The following ATP6V1H variants were observed in gnomAD, a reference collection of about 807,000 sequenced individuals.
The protein encoded by ATP6V1H is ATPase H+ transporting V1 subunit H.
Under a neutral mutation model 71.7 loss-of-function variants are expected in ATP6V1H, and 39 were observed. The ratio of observed to expected loss-of-function variants is 0.54; its 90% CI spans 0.42 to 0.71. ATP6V1H has a LOEUF of 0.71. ATP6V1H is among the 30% of genes least tolerant of loss of function. The pLI, the probability that ATP6V1H is intolerant of heterozygous loss-of-function variation, is 0.00. For synonymous variants in ATP6V1H, 192 were observed against 199.3 expected (o/e 0.96, Z 0.31); for missense variants, 509 against 594.9 (o/e 0.86, Z 1.50).
At chr8:53,762,407 A>G (rs965798021) in intron 11 of ATP6V1H, among the ~76,000 whole-genome samples, 1 of 152,212 alleles carries the variant, frequency 6.6e-6, no homozygotes, top group Non-Finnish European at 1.5e-5. Context: ...AATAATATCA[A>G]TTCCCCCTAG....
Position 53,715,979 on chromosome 8 carries a change from A to G in ATP6V1H, c.1437T>C (p.Ala479=). ...KQLQSEQPQT[A]AARS ...AGAGGCAGGCTTAGCTTCGGGCGGC[A>G]GCGGTCTGGGGCTGCTCGGACTGGA... The change falls in exon 14 of 14, where the codon GCT becomes GCC. Residue 479 remains alanine (A), a synonymous_variant. Coordinates refer to ENST00000359530, the MANE Select transcript of ATP6V1H (RefSeq NM_015941.4). The G allele has an allele frequency of 6.2e-7, 1 of 1,608,458 alleles. No homozygotes were observed. The highest frequency in any genetic ancestry group is 8.5e-7 in the Non-Finnish European group (1 of 1,178,210).
At chr8:53,748,031 G>A (rs1024198684) in intron 12 of ATP6V1H, among the ~76,000 whole-genome samples, 9 of 151,956 alleles carry the variant, frequency 5.9e-5, no homozygotes, top group South Asian at 2.1e-4. Flanking sequence ...GGTGGTGGGC[G>A]CCTGTAATCC....
At chr8:53,775,779 A>C (rs941078981) in intron 9 of ATP6V1H, among the ~76,000 whole-genome samples, 1 of 151,632 alleles carries the variant, frequency 6.6e-6, no homozygotes, top group Admixed American at 6.6e-5. Flanking sequence ...TACAATCCCT[A>C]AGCTAGACAT....
chr8:53,779,323 ACAGAATATGTTCT>A (rs924429195), intron 9 of ATP6V1H, among the ~76,000 whole-genome samples: 1 of 152,106 alleles, frequency 6.6e-6, no homozygotes, highest in African/African-American at 2.4e-5. Context: ...TTGAAATCTT[ACAGAATATGTTCT>A]TAACCGTAAT....
intron 7 of ATP6V1H, among the ~76,000 whole-genome samples, chr8:53,805,009 C>T (rs1010404802): frequency 1.3e-5 from 2 of 152,138 alleles, no homozygotes; most frequent in African/African-American, 4.8e-5. Flanking sequence ...TACAGAATTA[C>T]AAATTCAGTA....
intron 13 of ATP6V1H, among the ~76,000 whole-genome samples, chr8:53,716,601 C>A (rs747163599): frequency 7.2e-5 from 11 of 152,170 alleles, no homozygotes; most frequent in Non-Finnish European, 1.0e-4. Flanking sequence ...CAGTCTAAAG[C>A]CCACACAGAG....
At chr8:53,728,699 A>C (rs759145689) in intron 13 of ATP6V1H, among the ~76,000 whole-genome samples, 2 of 152,202 alleles carry the variant, frequency 1.3e-5, no homozygotes, top group Non-Finnish European at 2.9e-5. Flanking sequence ...GAAGGCCAGC[A>C]AAGCACAAAG....
intron 9 of ATP6V1H, among the ~76,000 whole-genome samples, chr8:53,781,434 G>C (rs1809126866): frequency 6.6e-6 from 1 of 152,154 alleles, no homozygotes; most frequent in Non-Finnish European, 1.5e-5. Flanking sequence ...GTAGATTCTG[G>C]ATATTAGCCT....
At chr8:53,733,627 A>G (rs1379644023) in intron 13 of ATP6V1H, among the ~76,000 whole-genome samples, 2 of 152,234 alleles carry the variant, frequency 1.3e-5, no homozygotes, top group South Asian at 2.1e-4. Flanking sequence ...GAAAGAAAGC[A>G]GGTCATTTGC....
intron 11 of ATP6V1H, among the ~76,000 whole-genome samples, chr8:53,762,927 C>T (rs113278523): frequency 1.3e-4 from 20 of 152,184 alleles, no homozygotes; most frequent in African/African-American, 4.3e-4. Flanking sequence ...GGATGAAGAC[C>T]TTTACAATGA....
At chr8:53,754,306 A>G (rs1437247203) in intron 12 of ATP6V1H, among the ~76,000 whole-genome samples, 2 of 152,204 alleles carry the variant, frequency 1.3e-5, no homozygotes, top group African/African-American at 4.8e-5. Context: ...TGCCTTCCAA[A>G]AAATGTATCT....
chr8:53,777,495 A>C (rs1318397263), intron 9 of ATP6V1H, among the ~76,000 whole-genome samples: 1 of 152,148 alleles, frequency 6.6e-6, no homozygotes, highest in Non-Finnish European at 1.5e-5. Flanking sequence ...GAAAAAAAAA[A>C]CAGAACTATA....
intron 2 of ATP6V1H, 30 bp from the exon 3 acceptor site, chr8:53,833,116 A>T: frequency 6.4e-7 from 1 of 1,563,712 alleles, no homozygotes; most frequent in Non-Finnish European, 8.8e-7. Context: ...TGTTTTGTTC[A>T]GTAAGAGTTG....
chr8:53,812,585 G>A (rs1210251765), intron 6 of ATP6V1H, among the ~76,000 whole-genome samples: 2 of 152,146 alleles, frequency 1.3e-5, no homozygotes, highest in Admixed American at 6.5e-5. Context: ...AGCACGCCAC[G>A]GCATCCATTC....
intron 12 of ATP6V1H, among the ~76,000 whole-genome samples, chr8:53,746,875 T>C (rs1335604360): frequency 6.6e-6 from 1 of 152,204 alleles, no homozygotes; most frequent in Non-Finnish European, 1.5e-5. Context: ...AAGTACTTCA[T>C]TTATGAGCTA....
At position 53,794,155 on chromosome 8, in the gene ATP6V1H, T is replaced by C. The variant is rs181201401; in HGVS notation, c.870+1492A>G. Among the ~76,000 whole-genome samples the C allele has an allele frequency of 1.7e-3, 259 of 152,234 alleles. 1 individual carries two copies. The highest frequency in any genetic ancestry group is 2.9e-3 in the Non-Finnish European group (198 of 68,016). ...AAAAAAAATACTGAATATCCACATA[T>C]ACAGAAATGAAAACATATTCACTAT... On this transcript the variant is annotated intron_variant, in intron 9 of 13. Transcript: ENST00000359530.
chr8:53,766,951 C>A (rs1456664701), intron 11 of ATP6V1H, among the ~76,000 whole-genome samples: 2 of 152,172 alleles, frequency 1.3e-5, no homozygotes, highest in Admixed American at 6.5e-5. Flanking sequence ...CTGTTAAGAA[C>A]TTGATGTCTG....
At chr8:53,841,421 A>C (rs899833997) in intron 2 of ATP6V1H, among the ~76,000 whole-genome samples, 157 bp downstream of exon 2, 5 of 152,084 alleles carry the variant, frequency 3.3e-5, no homozygotes, top group Admixed American at 6.5e-5. Flanking sequence ...ACCCCACTAC[A>C]CTTAACTCCC....
intron 13 of ATP6V1H, among the ~76,000 whole-genome samples, chr8:53,724,580 T>A (rs964932992): frequency 1.0e-4 from 4 of 39,102 alleles, no homozygotes; most frequent in South Asian, 1.1e-3. Flanking sequence ...CCCTCCCTCC[T>A]CCCCCCTCCC....
Sources: allele counts gnomAD v4.1 joint callset (sites outside exome capture counted in the v4.1 genomes callset), GRCh38; gene constraint gnomAD v4.1.1; transcripts MANE v1.5; gene names NCBI Gene and HGNC (gene_info 2026-07-23, HGNC 2026-07-21).